The following ABCG2 variants were observed in gnomAD, a reference collection of about 807,000 sequenced individuals.
The protein encoded by ABCG2 is broad substrate specificity ATP-binding cassette transporter ABCG2.
ABCG2 carries 80 observed loss-of-function variants against 73.5 expected under a neutral mutation model. The ratio of observed to expected loss-of-function variants is 1.09; its 90% confidence interval spans 0.91 to 1.31. ABCG2 has a LOEUF of 1.31. ABCG2 is among the 50% of genes most tolerant of loss of function. The pLI, the probability that ABCG2 is intolerant of heterozygous loss-of-function variation, is 0.00. For synonymous variants in ABCG2, 269 were observed against 282.4 expected (o/e 0.95, Z 0.48); for missense variants, 796 against 786.2 (o/e 1.01, Z -0.15).
chr4:88,117,200 T>C (rs1723635791), intron 7 of ABCG2, among the ~76,000 whole-genome samples: 1 of 151,958 alleles, frequency 6.6e-6, no homozygotes, highest in Non-Finnish European at 1.5e-5. Context: ...GGCATGTGTC[T>C]ATAGTCCCAG....
chr4:88,153,534 T>C (rs6847156), intron 1 of ABCG2, among the ~76,000 whole-genome samples: 103,871 of 129,542 alleles, frequency 0.8, 42,639 homozygotes, highest in African/African-American at 0.9. Context: ...TTCCTGAAGA[T>C]TGAGGATGGT....
chr4:88,160,041 G>A (rs1727218570), upstream of ABCG2, among the ~76,000 whole-genome samples: 1 of 151,920 alleles, frequency 6.6e-6, no homozygotes, highest in South Asian at 2.1e-4. Context: ...CCAGGAGTTC[G>A]AGACCAGCCT....
rs527670485 is a variant in ABCG2, at chr4:88,133,206, G to A, written c.204-571C>T. On this transcript the variant is annotated intron_variant, in intron 2 of 15. Coordinates refer to ENST00000237612, the MANE Select transcript of ABCG2 (RefSeq NM_004827.3). ...ACTGTATCTTCAAGTGGTCACATTT[G>A]CTACCTAGTCAAATTCTACACAATT... 2.6e-5 allele frequency among the ~76,000 whole-genome samples: 4 copies of A among 152,266 alleles called. 1 individual carries two copies. In the South Asian group the frequency reaches 8.3e-4, roughly 32 times the overall value.
intron 9 of ABCG2, among the ~76,000 whole-genome samples, chr4:88,111,265 C>A (rs145404381): frequency 6.6e-6 from 1 of 152,310 alleles, no homozygotes; most frequent in African/African-American, 2.4e-5. Flanking sequence ...TCACTGTTGA[C>A]AATAAGTAAC....
chr4:88,224,438 C>CAAAAACAA (rs1553901569), intron 1 of ABCG2, among the ~76,000 whole-genome samples: 1 of 150,544 alleles, frequency 6.6e-6, no homozygotes, highest in Non-Finnish European at 1.5e-5. Flanking sequence ...GACCCTGTCT[C>CAAAAACAA]AAAAACAAAA....
intron 6 of ABCG2, among the ~76,000 whole-genome samples, 158 bp downstream of exon 6, chr4:88,121,473 CTTTG>C (rs1723967154): frequency 6.6e-6 from 1 of 152,176 alleles, no homozygotes; most frequent in Non-Finnish European, 1.5e-5. Context: ...TTCTTACCTG[CTTTG>C]TTTTTCTTGA....
intron 10 of ABCG2, among the ~76,000 whole-genome samples, chr4:88,102,691 C>T (rs1722508901): frequency 6.6e-6 from 1 of 151,906 alleles, no homozygotes; most frequent in African/African-American, 2.4e-5. Context: ...AGCATGCCAA[C>T]ATCCCTGAAA....
chr4:88,131,620 T>C (rs1464173491), intron 4 of ABCG2, among the ~76,000 whole-genome samples, 183 bp downstream of exon 4: 1 of 152,212 alleles, frequency 6.6e-6, no homozygotes, highest in Non-Finnish European at 1.5e-5. Flanking sequence ...ACAAGGGCCA[T>C]ATTCCAGATT....
intron 11 of ABCG2, 65 bp from the exon 12 acceptor site, chr4:88,099,513 C>T (rs1277663987): frequency 6.7e-7 from 1 of 1,500,796 alleles, no homozygotes; most frequent in Non-Finnish European, 8.9e-7. Flanking sequence ...GCAGGCTAGA[C>T]TTGTCTGTTA....
chr4:88,163,723 A>G, upstream of ABCG2: 2 of 407,538 alleles, frequency 4.9e-6, no homozygotes, highest in Non-Finnish European at 9.8e-6. Flanking sequence ...ACTCAGAGAG[A>G]TCCGGAAATT....
Position 88,115,740 on chromosome 4 carries a change from T to C in ABCG2, c.842-682A>G, listed in dbSNP as rs1723533127. Among the ~76,000 whole-genome samples, 3 of 152,022 alleles carry C rather than the reference T, an allele frequency of 2.0e-5. No homozygotes were observed. In the East Asian group the frequency reaches 5.8e-4, roughly 29 times the overall value. ...TAATTCATGAGACCTGAAATAGCTA[T>C]CAGTATGCTCTGGTGCTTAACAGTA... is the stretch of plus-strand genomic sequence containing the variant. On this transcript the variant is annotated intron_variant, in intron 7 of 15. Transcript: ENST00000237612.
intron 7 of ABCG2, among the ~76,000 whole-genome samples, chr4:88,117,840 T>C (rs1723697876): frequency 6.6e-6 from 1 of 150,992 alleles, no homozygotes; most frequent in Admixed American, 6.6e-5. Flanking sequence ...TAAGAAATGG[T>C]CACTGTAACT....
intron 1 of ABCG2, among the ~76,000 whole-genome samples, chr4:88,180,580 A>T (rs1214006935): frequency 6.6e-6 from 1 of 152,066 alleles, no homozygotes; most frequent in Non-Finnish European, 1.5e-5. Context: ...ACAAAAAAAA[A>T]TTTTAAATTT....
At chr4:88,220,232 T>C (rs2110130284) in intron 1 of ABCG2, among the ~76,000 whole-genome samples, 2 of 152,314 alleles carry the variant, frequency 1.3e-5, no homozygotes, top group South Asian at 4.1e-4. Flanking sequence ...TTGATGAACA[T>C]TAGGGTTGCT....
At chr4:88,156,233 A>C (rs2110079938) in intron 1 of ABCG2, among the ~76,000 whole-genome samples, 1 of 151,918 alleles carries the variant, frequency 6.6e-6, no homozygotes, top group South Asian at 2.1e-4. Context: ...AAAGTAGCCA[A>C]GTGTGGTGCT....
At chr4:88,094,724 T>A in intron 14 of ABCG2, 65 bp from the exon 15 acceptor site, 1 of 1,242,444 alleles carries the variant, frequency 8.0e-7, no homozygotes, top group Non-Finnish European at 1.2e-6. Context: ...TCCAAAGAGT[T>A]ATCACAATCA....
At chr4:88,117,416 G>C (rs1723654461) in intron 7 of ABCG2, among the ~76,000 whole-genome samples, 1 of 151,886 alleles carries the variant, frequency 6.6e-6, no homozygotes, top group African/African-American at 2.4e-5. Context: ...CAGATCACAA[G>C]GTCAGGAGAT....
chr4:88,168,321 T>C (rs143624074), intron 1 of ABCG2, among the ~76,000 whole-genome samples: 1 of 152,132 alleles, frequency 6.6e-6, no homozygotes, highest in Non-Finnish European at 1.5e-5. Flanking sequence ...ACCCCATCTG[T>C]ACTAAAAATA....
chr4:88,116,196 A>G lies in ABCG2; in HGVS notation c.842-1138T>C, dbSNP rs547911712. Among the ~76,000 whole-genome samples, 150 of 152,296 alleles carry G rather than the reference A, an allele frequency of 9.8e-4. 1 individual carries two copies. The highest frequency in any genetic ancestry group is 3.5e-3 in the African/African-American group (144 of 41,554). ...GGCGACAGAGTGAGACTCTGTCTCA[A>G]AGGTAAATTAATTAATTAATTAATT... On this transcript the variant is annotated intron_variant, in intron 7 of 15. Transcript: ENST00000237612.
Sources: allele counts gnomAD v4.1 joint callset (sites outside exome capture counted in the v4.1 genomes callset), GRCh38; gene constraint gnomAD v4.1.1; transcripts MANE v1.5; gene names NCBI Gene and HGNC (gene_info 2026-07-23, HGNC 2026-07-21).